The following RNASEH1 variants were observed in gnomAD, a reference collection of about 807,000 sequenced individuals.
RNASEH1 encodes the protein ribonuclease H type II.
A neutral mutation model predicts 34.6 loss-of-function variants in RNASEH1; 27 were observed. The observed-to-expected ratio is 0.78, with a 90% CI of 0.58 to 1.08. The LOEUF (loss-of-function observed/expected upper bound fraction) is 1.08, where lower values mean the gene tolerates loss of function less well. RNASEH1 is among the 50% of genes least tolerant of loss of function. The pLI is 0.00. For missense variants in RNASEH1, 349 were observed against 373.6 expected (o/e 0.93, Z 0.54); for synonymous variants, 162 against 138.4 (o/e 1.17, Z -1.20).
chr2:3,552,334 G>A (rs747754889), intron 2 of RNASEH1, 26 bp from the exon 3 acceptor site: 2 of 1,605,764 alleles, frequency 1.2e-6, no homozygotes, highest in Non-Finnish European at 1.7e-6. Context: ...CCACTCGTGA[G>A]CTGGAAACAA....
chr2:3,540,867 C>T (rs577087020), downstream of RNASEH1, among the ~76,000 whole-genome samples: 9 of 152,012 alleles, frequency 5.9e-5, no homozygotes, highest in African/African-American at 2.2e-4. Context: ...TTCTCAAATC[C>T]CCACCTAAAA....
intron 2 of RNASEH1, among the ~76,000 whole-genome samples, chr2:3,556,304 G>GT (rs1172138429): frequency 1.3e-5 from 2 of 149,730 alleles, no homozygotes; most frequent in Non-Finnish European, 1.5e-5. Flanking sequence ...CAATAACTAT[G>GT]TAAGTTTTTT....
chr2:3,533,233 A>G, the RNASEH1 span: 1 of 152,282 alleles, frequency 6.6e-6, no homozygotes, highest in South Asian at 2.1e-4. Flanking sequence ...CTTCTGCCAC[A>G]GGGAGTTTAT....
rs886730070 is a variant in RNASEH1, at chr2:3,542,671, C to T, written c.*3114G>A. ...ATGGTATTAGTATTTTTTTTAAATG[C>T]TAAATGCTAAAGAGGAATAAAACAA... is the stretch of plus-strand genomic sequence containing the variant. On this transcript the variant is annotated 3_prime_UTR_variant, in exon 8 of 8. Transcript: ENST00000315212. Among the ~76,000 whole-genome samples, 7 of 151,948 alleles carry T rather than the reference C, an allele frequency of 4.6e-5. No individual in the cohort carries two copies. The highest frequency in any genetic ancestry group is 1.2e-4 in the African/African-American group (5 of 41,352).
intron 2 of RNASEH1, among the ~76,000 whole-genome samples, chr2:3,554,840 T>C (rs1660328848): frequency 6.6e-6 from 1 of 151,640 alleles, no homozygotes; most frequent in Non-Finnish European, 1.5e-5. Flanking sequence ...CAAACCTGCT[T>C]TCTGTCTCAA....
Position 3,545,875 on chromosome 2 carries a change from TTAAGA to T in RNASEH1, c.775-9_775-5del. The stretch of plus-strand genomic sequence containing the variant: ...CCGAATGACCAGGAACATGCATCTG[TTAAGA>T]TAAATGTTTTCCTTTTATTTTTACT... On this transcript the variant is annotated splice_polypyrimidine_tract_variant and splice_region_variant and intron_variant, in intron 7 of 7. Transcript: ENST00000315212. 6.3e-7 allele frequency: 1 copy of T among 1,596,526 alleles called. No individual in the cohort carries two copies. The highest frequency in any genetic ancestry group is 8.6e-7 in the Non-Finnish European group (1 of 1,163,880).
the RNASEH1 span, chr2:3,532,092 T>C: frequency 5.0e-6 from 3 of 605,164 alleles, no homozygotes; most frequent in East Asian, 8.3e-5. Flanking sequence ...AGGGTTTTTA[T>C]GCAGCTGACG....
At chr2:3,557,874 G>T (rs760699616) in intron 1 of RNASEH1, 10 of 1,482,122 alleles carry the variant, frequency 6.7e-6, no homozygotes, top group Non-Finnish European at 9.1e-6. Context: ...TAAACACAGG[G>T]TTTATTAGGC....
Position 3,548,655 on chromosome 2 carries a change from T to C in RNASEH1, c.634A>G (p.Met212Val), listed in dbSNP as rs1391052461. Reference sequence around the variant, plus strand: ...GAAAGCTTACCATTTATCGTAAACATACTGTCTGTATACAGAACCAGTTTA... The same window carrying C: ...GAAAGCTTACCATTTATCGTAAACACACTGTCTGTATACAGAACCAGTTTA... The part of the protein sequence containing the change: ...INKLVLYTDS[M>V]FTINGITNWV... The change falls in exon 6 of 8, where the codon ATG (methionine) becomes GTG (valine). Residue 212 changes from methionine to valine, a missense_variant. Met to Val is a conservative substitution (Grantham distance 21, BLOSUM62 1). Transcript: ENST00000315212. The C allele has an allele frequency of 1.9e-6, 3 of 1,595,924 alleles. No homozygotes were observed. Among genetic ancestry groups the C allele is most frequent in the East Asian group, 2.2e-5 (1 of 44,824 alleles).
the RNASEH1 span, among the ~76,000 whole-genome samples, chr2:3,534,983 G>C: frequency 2.0e-5 from 3 of 152,238 alleles, no homozygotes; most frequent in Admixed American, 2.0e-4. Context: ...AAGCAGAACA[G>C]TGCTGCCAGG....
At position 3,550,465 on chromosome 2, in the gene RNASEH1, G is replaced by A. The variant is rs139176330; in HGVS notation, c.417C>T (p.Phe139=). 2.0e-4 allele frequency: 316 copies of A among 1,613,740 alleles called. 1 individual carries two copies. The Middle Eastern group carries it at 0.016, about 79-fold the overall frequency. Residue 139 remains phenylalanine, a synonymous_variant, in exon 4 of 8, where the codon TTC becomes TTT. Coordinates refer to ENST00000315212, the MANE Select transcript of RNASEH1 (RefSeq NM_002936.6). ...SRDTFSYMGD[F]VVVYTDGCCS... ...AGCAGCCATCAGTGTAGACGACGAC[G>A]AAGTCTCCTGTGGGAAAAGGAAGTA...
At chr2:3,555,498 A>C (rs1660400350) in intron 2 of RNASEH1, among the ~76,000 whole-genome samples, 1 of 151,776 alleles carries the variant, frequency 6.6e-6, no homozygotes, top group African/African-American at 2.4e-5. Flanking sequence ...TTGCAAACTA[A>C]CTCTTCAGGG....
At chr2:3,532,437 GC>G in the RNASEH1 span, 2 of 687,650 alleles carry the variant, frequency 2.9e-6, no homozygotes, top group Non-Finnish European at 5.3e-6. Context: ...CTCCCAAGGG[GC>G]CCCGTTACTC....
chr2:3,532,320 C>T, the RNASEH1 span: 3 of 702,168 alleles, frequency 4.3e-6, no homozygotes, highest in Non-Finnish European at 7.8e-6. Flanking sequence ...GCTGTGGGAA[C>T]AAGAAATAAT....
Position 3,550,452 on chromosome 2 carries a change from T to C in RNASEH1, c.430A>G (p.Thr144Ala), listed in dbSNP as rs1181850051. The C allele has an allele frequency of 7.4e-6, 12 of 1,614,004 alleles. No individual in the cohort carries two copies. The highest frequency in any genetic ancestry group is 3.3e-5 in the Admixed American group (2 of 60,004). ...CCATTACTGGAGCAGCAGCCATCAG[T>C]GTAGACGACGACGAAGTCTCCTGTG... ...SYMGDFVVVY[T>A]DGCCSSNGRR... Residue 144 changes from threonine to alanine, a missense_variant, in exon 4 of 8, where the codon ACT becomes GCT. Thr to Ala is a moderately conservative substitution (Grantham distance 58). Coordinates refer to ENST00000315212, the MANE Select transcript of RNASEH1 (RefSeq NM_002936.6).
chr2:3,550,546 G>T, intron 3 of RNASEH1, 74 bp from the exon 4 acceptor site: 1 of 1,115,562 alleles, frequency 9.0e-7, no homozygotes, highest in Non-Finnish European at 1.4e-6. Flanking sequence ...AATCCACTAG[G>T]TCGACTTAGC....
chr2:3,549,092 G>A lies in RNASEH1; in HGVS notation c.530C>T (p.Pro177Leu). The A allele has an allele frequency of 6.2e-7, 1 of 1,613,626 alleles. No homozygotes were observed. The highest frequency in any genetic ancestry group is 8.5e-7 in the Non-Finnish European group (1 of 1,179,552). ...GHPLNVGIRLPGRQTNQRAEI... is the reference protein window; with the variant it reads ...GHPLNVGIRLLGRQTNQRAEI... The stretch of plus-strand genomic sequence containing the variant: ...CGCTCTTTGGTTTGTCTGCCGCCCA[G>A]GAAGTCTAATGCCTACATTTCTGTT... Residue 177 changes from proline (P) to leucine (L), a missense_variant, in exon 5 of 8, where the codon CCT becomes CTT. Pro to Leu is a moderately conservative substitution (Grantham distance 98, BLOSUM62 -3). Around this residue, in one of 2 missense-constraint regions of RNASEH1, gnomAD observed 256 missense variants for 240.7 expected, o/e 1.06. Coordinates refer to ENST00000315212, the MANE Select transcript of RNASEH1 (RefSeq NM_002936.6).
At chr2:3,541,165 A>G (rs1668277417), downstream of RNASEH1, among the ~76,000 whole-genome samples, 1 of 152,010 alleles carries the variant, frequency 6.6e-6, no homozygotes. Context: ...CACCTCTACT[A>G]AAAATACAAA....
chr2:3,536,904 G>A (rs1051472685), downstream of RNASEH1: 14 of 152,410 alleles, frequency 9.2e-5, no homozygotes, highest in African/African-American at 3.1e-4. Context: ...TGTCCCGGGA[G>A]AGTGCCCCTG....
Sources: allele counts gnomAD v4.1 joint callset (sites outside exome capture counted in the v4.1 genomes callset), GRCh38; gene constraint gnomAD v4.1.1; regional missense constraint gnomAD v4.1.1; transcripts MANE v1.5; gene names NCBI Gene and HGNC (gene_info 2026-07-23, HGNC 2026-07-21).